CSMD3: variants seen among roughly 807,000 people sequenced by gnomAD.
CSMD3 encodes CUB and Sushi multiple domains 3, also known as CUB and sushi domain-containing protein 3.
A neutral mutation model predicts 435.2 loss-of-function variants in CSMD3; 177 were observed. That is an observed-to-expected ratio of 0.41 (90% CI 0.36 to 0.46). The LOEUF (loss-of-function observed/expected upper bound fraction) is 0.46, where lower values mean the gene tolerates loss of function less well. Ranked by LOEUF, CSMD3 falls within the 20% of genes least tolerant of loss-of-function variation. CSMD3 has a pLI of 0.34. For synonymous variants in CSMD3, 1,656 were observed against 1,520.5 expected (o/e 1.09, Z -2.07); for missense variants, 4,265 against 4,504.6 (o/e 0.95, Z 1.52).
chr8:113,209,430 G>T (rs1022005824), intron 3 of CSMD3, among the ~76,000 whole-genome samples: 2 of 152,122 alleles, frequency 1.3e-5, no homozygotes, highest in African/African-American at 4.8e-5. Context: ...TTCCATAAGA[G>T]TGTAACAAGT....
chr8:112,263,900 T>G (rs1816683990), intron 60 of CSMD3, 88 bp from the exon 61 acceptor site: 1 of 1,189,526 alleles, frequency 8.4e-7, no homozygotes, highest in African/African-American at 1.5e-5. Flanking sequence ...AAGAAGCACA[T>G]GTGCTAATTT....
chr8:112,285,715 T>C (rs535151303), intron 58 of CSMD3, among the ~76,000 whole-genome samples: 86 of 152,096 alleles, frequency 5.7e-4, no homozygotes, highest in Non-Finnish European at 1.1e-3. Flanking sequence ...TTTTTCTTTT[T>C]CCTTTTTATC....
At chr8:112,671,939 TTAAA>T (rs1346715321) in intron 16 of CSMD3, among the ~76,000 whole-genome samples, 2 of 152,036 alleles carry the variant, frequency 1.3e-5, no homozygotes, top group African/African-American at 2.4e-5. Context: ...TTTTAATTAA[TTAAA>T]TAAACATTTA....
chr8:113,305,341 T>A (rs914175581), intron 2 of CSMD3, among the ~76,000 whole-genome samples: 1 of 152,168 alleles, frequency 6.6e-6, no homozygotes, highest in African/African-American at 2.4e-5. Flanking sequence ...AAATGAATGT[T>A]TATGGAGCGT....
intron 2 of CSMD3, among the ~76,000 whole-genome samples, chr8:113,280,673 T>C (rs1432702692): frequency 6.6e-6 from 1 of 152,024 alleles, no homozygotes; most frequent in African/African-American, 2.4e-5. Flanking sequence ...GCTCTGATCT[T>C]GGTTATTTCC....
At position 112,351,269 on chromosome 8, in the gene CSMD3, C is replaced by G. The variant is rs1170811693; in HGVS notation, c.6256-25G>C. 2.0e-6 allele frequency: 3 copies of G among 1,501,658 alleles called. No homozygotes were observed. In the South Asian group the frequency reaches 3.4e-5, roughly 17 times the overall value. 93.0% of individuals were successfully genotyped at this position (1,501,658 alleles called of 1,614,324 possible). On this transcript the variant is annotated intron_variant, in intron 39 of 70. Coordinates refer to ENST00000297405, the MANE Select transcript of CSMD3 (RefSeq NM_198123.2). Reference sequence around the variant, plus strand: ...CCTACATAAACAAAATGATGTGGTTCAGTACACATACATAAAAAGTTTAAA... The same window carrying G: ...CCTACATAAACAAAATGATGTGGTTGAGTACACATACATAAAAAGTTTAAA...
intron 4 of CSMD3, among the ~76,000 whole-genome samples, chr8:113,142,069 A>G (rs192117132): frequency 6.6e-6 from 1 of 151,188 alleles, no homozygotes; most frequent in African/African-American, 2.4e-5. Flanking sequence ...TAACAAAACT[A>G]GTACAGGAAC....
At chr8:113,408,977 A>C (rs935905454) in intron 1 of CSMD3, among the ~76,000 whole-genome samples, 2 of 152,058 alleles carry the variant, frequency 1.3e-5, no homozygotes, top group African/African-American at 2.4e-5. Context: ...CCTATACAGA[A>C]AATTTTTATA....
chr8:113,390,692 A>G (rs1289526138), intron 1 of CSMD3, among the ~76,000 whole-genome samples: 1 of 151,920 alleles, frequency 6.6e-6, no homozygotes, highest in Admixed American at 6.6e-5. Context: ...CCAAGGGTCT[A>G]ACACTTAAAA....
At chr8:113,039,256 C>T (rs1348007767) in intron 5 of CSMD3, among the ~76,000 whole-genome samples, 1 of 151,958 alleles carries the variant, frequency 6.6e-6, no homozygotes, top group African/African-American at 2.4e-5. Context: ...TATGTTTATA[C>T]ATTTAAACAT....
At chr8:112,837,951 A>C (rs2080076007) in intron 11 of CSMD3, among the ~76,000 whole-genome samples, 1 of 151,836 alleles carries the variant, frequency 6.6e-6, no homozygotes, top group African/African-American at 2.4e-5. Flanking sequence ...ACATCTAATT[A>C]AAGCACTTCT....
intron 13 of CSMD3, among the ~76,000 whole-genome samples, chr8:112,760,124 C>A (rs1376119167): frequency 6.6e-6 from 1 of 152,104 alleles, no homozygotes; most frequent in Non-Finnish European, 1.5e-5. Context: ...ATTCTATAAT[C>A]AATTTTGCTA....
At chr8:112,721,029 A>C (rs2076846082) in intron 13 of CSMD3, among the ~76,000 whole-genome samples, 1 of 152,182 alleles carries the variant, frequency 6.6e-6, no homozygotes, top group Admixed American at 6.5e-5. Flanking sequence ...CTTTAACAGT[A>C]GAACAGGGTC....
chr8:113,389,486 G>A lies in CSMD3; in HGVS notation c.178+47191C>T, dbSNP rs185574198. ...AGTGGCTAATGTATTGAAGACTTTT[G>A]ATGTGCCATATATTGACCTAAGCAT... On this transcript the variant is annotated intron_variant, in intron 1 of 70. Coordinates refer to ENST00000297405, the MANE Select transcript of CSMD3 (RefSeq NM_198123.2). Among the ~76,000 whole-genome samples, 5 of 151,660 alleles carry A rather than the reference G, an allele frequency of 3.3e-5. No homozygotes were observed. The East Asian group carries it at 9.7e-4, about 29-fold the overall frequency.
intron 5 of CSMD3, among the ~76,000 whole-genome samples, chr8:113,041,669 CTTTA>C (rs1369180799): frequency 6.6e-6 from 1 of 151,948 alleles, no homozygotes; most frequent in Non-Finnish European, 1.5e-5. Flanking sequence ...TTTTTCCCCA[CTTTA>C]TTGTCTTCCT....
In CSMD3 at chr8:113,289,622, C is replaced by T. The variant is rs2093671843; in HGVS notation, c.402-10918G>A. ...CTGTGTCTTTAGTAACTTACAATTA[C>T]TGAGATTGAGTCAACTGACTTCCTC... On this transcript the variant is annotated intron_variant, in intron 2 of 70. Transcript: ENST00000297405. Among the ~76,000 whole-genome samples, 3 of 150,972 alleles carry T rather than the reference C, an allele frequency of 2.0e-5. No individual in the cohort carries two copies. In the South Asian group the frequency reaches 6.2e-4, roughly 31 times the overall value.
At chr8:113,351,195 T>C (rs1451000886) in intron 1 of CSMD3, among the ~76,000 whole-genome samples, 1 of 152,100 alleles carries the variant, frequency 6.6e-6, no homozygotes, top group Non-Finnish European at 1.5e-5. Context: ...GATAAGTGGA[T>C]AAATGATAGA....
chr8:113,044,028 G>A (rs566502550), intron 5 of CSMD3, among the ~76,000 whole-genome samples: 3 of 151,882 alleles, frequency 2.0e-5, no homozygotes, highest in Non-Finnish European at 4.4e-5. Context: ...TTTTCATATA[G>A]GTCAATGGTT....
intron 13 of CSMD3, among the ~76,000 whole-genome samples, chr8:112,711,381 G>A (rs1037503989): frequency 1.3e-5 from 2 of 152,040 alleles, no homozygotes; most frequent in African/African-American, 4.8e-5. Context: ...AGAAGTAGGA[G>A]GAGAAAAAAT....
Sources: gnomAD v4.1 joint callset for allele counts (sites outside exome capture counted in the v4.1 genomes callset) on GRCh38, gnomAD v4.1.1 for gene constraint, MANE v1.5 for transcripts, NCBI Gene and HGNC (gene_info 2026-07-23, HGNC 2026-07-21) for gene names.